Variants in LRRTM4 observed in about 807,000 individuals in gnomAD.
LRRTM4 encodes leucine rich repeat transmembrane neuronal 4.
Under a neutral mutation model 47.6 loss-of-function variants are expected in LRRTM4, and 25 were observed. The observed-to-expected ratio is 0.53, with a 90% CI of 0.38 to 0.73. LRRTM4 has a LOEUF of 0.73. LRRTM4 is among the 30% of genes least tolerant of loss of function. The pLI, the probability that LRRTM4 is intolerant of heterozygous loss-of-function variation, is 0.00. For missense variants in LRRTM4, 638 were observed against 713.4 expected (o/e 0.89, Z 1.20); for synonymous variants, 311 against 269.5 (o/e 1.15, Z -1.51).
At chr2:76,891,164 A>G (rs1673240640) in intron 3 of LRRTM4, among the ~76,000 whole-genome samples, 1 of 151,976 alleles carries the variant, frequency 6.6e-6, no homozygotes, top group African/African-American at 2.4e-5. Context: ...AAAAAGACAC[A>G]TCAAACCCTT....
intron 3 of LRRTM4, among the ~76,000 whole-genome samples, chr2:77,365,731 C>T (rs982928): frequency 0.79 from 118,986 of 150,880 alleles, 47,506 homozygotes; most frequent in Non-Finnish European, 0.85. Flanking sequence ...GAAAATTTTA[C>T]TACAGTAGGA....
At chr2:77,131,651 G>A (rs888078635) in intron 3 of LRRTM4, among the ~76,000 whole-genome samples, 1 of 152,050 alleles carries the variant, frequency 6.6e-6, no homozygotes, top group African/African-American at 2.4e-5. Flanking sequence ...GCTACTCTGG[G>A]GCTTTACACT....
chr2:76,929,220 G>C (rs1674687909), intron 3 of LRRTM4, among the ~76,000 whole-genome samples: 1 of 152,170 alleles, frequency 6.6e-6, no homozygotes, highest in Non-Finnish European at 1.5e-5. Context: ...TGGAAGGAAA[G>C]AAGAGGTTTT....
At chr2:77,207,815 C>G (rs1195038507) in intron 3 of LRRTM4, among the ~76,000 whole-genome samples, 1 of 141,686 alleles carries the variant, frequency 7.1e-6, no homozygotes, top group Admixed American at 7.2e-5. Context: ...TTTTTGTATA[C>G]TCTGTTCCAT....
chr2:77,457,176 T>C (rs1573441561), intron 3 of LRRTM4, among the ~76,000 whole-genome samples: 2 of 151,264 alleles, frequency 1.3e-5, no homozygotes, highest in East Asian at 3.9e-4. Context: ...CCAATCCTAG[T>C]CATTTCCCAG....
chr2:77,208,380 T>C (rs567621148), intron 3 of LRRTM4, among the ~76,000 whole-genome samples: 32 of 152,164 alleles, frequency 2.1e-4, no homozygotes, highest in Middle Eastern at 3.4e-3. Flanking sequence ...CTTTGAAAGG[T>C]AAACATAATT....
chr2:76,787,953 C>G (rs1156308679), intron 3 of LRRTM4, among the ~76,000 whole-genome samples: 8 of 151,970 alleles, frequency 5.3e-5, no homozygotes, highest in Non-Finnish European at 1.2e-4. Context: ...TGCTTTATGT[C>G]TGTATGATAT....
intron 3 of LRRTM4, among the ~76,000 whole-genome samples, chr2:77,010,485 A>C (rs534983360): frequency 2.4e-4 from 36 of 146,974 alleles, no homozygotes; most frequent in Admixed American, 6.9e-4. Context: ...TTAAGGCAGA[A>C]TAGAATTGTA....
intron 3 of LRRTM4, among the ~76,000 whole-genome samples, chr2:77,297,398 C>T (rs1043398650): frequency 1.3e-5 from 2 of 152,138 alleles, no homozygotes; most frequent in Admixed American, 6.5e-5. Flanking sequence ...TTTATAGTCA[C>T]TATGCTCTAT....
intron 3 of LRRTM4, among the ~76,000 whole-genome samples, chr2:76,749,847 C>A (rs751715251): frequency 2.0e-5 from 3 of 152,108 alleles, no homozygotes; most frequent in Non-Finnish European, 4.4e-5. Context: ...CTCATACTTG[C>A]GAGTTACAAT....
intron 3 of LRRTM4, among the ~76,000 whole-genome samples, chr2:77,459,988 T>A (rs1408661779): frequency 6.6e-6 from 1 of 150,910 alleles, no homozygotes; most frequent in African/African-American, 2.4e-5. Flanking sequence ...TATTCTAAGA[T>A]CATGATAAAA....
chr2:77,521,361 G>A (rs771823664), intron 2 of LRRTM4, among the ~76,000 whole-genome samples: 4 of 151,838 alleles, frequency 2.6e-5, no homozygotes, highest in Non-Finnish European at 5.9e-5. Context: ...AGAAATAGAA[G>A]CAAACACAGT....
At chr2:77,156,558 C>A (rs1274947735) in intron 3 of LRRTM4, among the ~76,000 whole-genome samples, 1 of 151,786 alleles carries the variant, frequency 6.6e-6, no homozygotes, top group Non-Finnish European at 1.5e-5. Flanking sequence ...AGAATGATGC[C>A]AATAACATAA....
At chr2:76,771,448 T>A (rs1389111254) in intron 3 of LRRTM4, among the ~76,000 whole-genome samples, 1 of 151,900 alleles carries the variant, frequency 6.6e-6, no homozygotes, top group Non-Finnish European at 1.5e-5. Context: ...GAATGAGGAA[T>A]GGAGGTGAGG....
chr2:77,390,731 A>G (rs1203422523), intron 3 of LRRTM4, among the ~76,000 whole-genome samples: 3 of 151,612 alleles, frequency 2.0e-5, no homozygotes, highest in Non-Finnish European at 4.4e-5. Flanking sequence ...GGCCAAAACA[A>G]AGTGTAAAAT....
intron 3 of LRRTM4, among the ~76,000 whole-genome samples, chr2:77,464,842 A>G (rs565483282): frequency 2.0e-5 from 3 of 152,194 alleles, no homozygotes; most frequent in Non-Finnish European, 4.4e-5. Flanking sequence ...TGGGTTGGGC[A>G]ATAAAAATCA....
intron 3 of LRRTM4, among the ~76,000 whole-genome samples, chr2:77,122,859 T>C (rs77300513): frequency 0.012 from 1,859 of 151,966 alleles, 46 homozygotes; most frequent in African/African-American, 0.043. Flanking sequence ...TTGAAAATAC[T>C]ATATGTGTTA....
chr2:77,032,211 C>A (rs926575788), intron 3 of LRRTM4, among the ~76,000 whole-genome samples: 2 of 152,122 alleles, frequency 1.3e-5, no homozygotes, highest in African/African-American at 4.8e-5. Flanking sequence ...TTCATATTTA[C>A]CATTCCCTTC....
intron 3 of LRRTM4, among the ~76,000 whole-genome samples, chr2:77,332,134 G>A (rs1053912093): frequency 6.6e-6 from 1 of 152,034 alleles, no homozygotes; most frequent in African/African-American, 2.4e-5. Context: ...TTTCTGGATT[G>A]GATTTCTTTG....
Sources: gnomAD v4.1 joint callset for allele counts (sites outside exome capture counted in the v4.1 genomes callset) on GRCh38, gnomAD v4.1.1 for gene constraint, MANE v1.5 for transcripts, NCBI Gene and HGNC (gene_info 2026-07-23, HGNC 2026-07-21) for gene names.